Variants in CDC42BPA observed in about 807,000 individuals in gnomAD.
CDC42BPA encodes CDC42 binding protein kinase alpha, also known as serine/threonine-protein kinase MRCK alpha.
In CDC42BPA, 80 loss-of-function variants were observed where a neutral mutation model predicts 223.5. The ratio of observed to expected loss-of-function variants is 0.36; its 90% CI spans 0.30 to 0.43. CDC42BPA has a LOEUF of 0.43. Among genes scored for constraint, CDC42BPA ranks in the 20% least tolerant of loss-of-function variants. CDC42BPA has a pLI of 1.00. For synonymous variants in CDC42BPA, 694 were observed against 718.6 expected, an observed-to-expected ratio of 0.97 and a Z score of 0.55; for missense variants, 1,743 against 2,099.9, an observed-to-expected ratio of 0.83 and a Z score of 3.32.
chr1:227,074,490 G>C, intron 17 of CDC42BPA, 126 bp from the exon 18 acceptor site: 1 of 669,070 alleles, frequency 1.5e-6, no homozygotes, highest in Non-Finnish European at 2.5e-6. Flanking sequence ...TAATTTCTTT[G>C]AAAAGGTCTA....
At chr1:227,241,259 T>A (rs912477217) in intron 2 of CDC42BPA, among the ~76,000 whole-genome samples, 1 of 152,086 alleles carries the variant, frequency 6.6e-6, no homozygotes, top group African/African-American at 2.4e-5. Flanking sequence ...ATAAAAATGG[T>A]ACAATCCAAC....
At chr1:227,038,877 G>GT (rs1258491494) in intron 24 of CDC42BPA, among the ~76,000 whole-genome samples, 1 of 152,186 alleles carries the variant, frequency 6.6e-6, no homozygotes, top group African/African-American at 2.4e-5. Flanking sequence ...CATGGCAATA[G>GT]TTTTTTGGGA....
chr1:227,256,989 A>ACC (rs1312321001), intron 1 of CDC42BPA, among the ~76,000 whole-genome samples: 7 of 146,606 alleles, frequency 4.8e-5, no homozygotes, highest in African/African-American at 1.3e-4. Flanking sequence ...ACACACACAC[A>ACC]CCAGTATGTT....
intron 27 of CDC42BPA, among the ~76,000 whole-genome samples, chr1:227,032,846 T>G (rs1472921558): frequency 2.0e-5 from 3 of 152,202 alleles, no homozygotes; most frequent in Non-Finnish European, 4.4e-5. Context: ...ATGAGCTGAA[T>G]GCAGTCACAT....
At chr1:227,101,579 G>A (rs1685063147) in intron 14 of CDC42BPA, among the ~76,000 whole-genome samples, 1 of 152,054 alleles carries the variant, frequency 6.6e-6, no homozygotes, top group Non-Finnish European at 1.5e-5. Flanking sequence ...GGTGTATGGA[G>A]TGAGAGAAAA....
chr1:227,213,561 A>T (rs1674313943), intron 2 of CDC42BPA, among the ~76,000 whole-genome samples: 1 of 152,144 alleles, frequency 6.6e-6, no homozygotes, highest in Admixed American at 6.6e-5. Context: ...ATCACTAAGA[A>T]ACTGAACAAA....
rs1362214824 is a variant in CDC42BPA at position 227,199,625 on chromosome 1, C to T, written c.382G>A (p.Val128Ile). The change falls in exon 4 of 37, where the codon GTA becomes ATA. Residue 128 changes from valine (V) to isoleucine (I), a missense_variant. Around this residue, in one of 6 missense-constraint regions of CDC42BPA, gnomAD observed 321 missense variants for 488.7 expected, o/e 0.66. Coordinates refer to ENST00000366766, the MANE Select transcript of CDC42BPA (RefSeq NM_001394014.1). The stretch of plus-strand genomic sequence containing the variant: ...CATTTATTGTCTCCATTCACTAATA[C>T]ATCCCTTTCTTCACGAAAACATGCT... ...ETACFREERD[V>I]LVNGDNKWIT... 14 of 1,606,870 alleles carry T rather than the reference C, an allele frequency of 8.7e-6. No individual in the cohort carries two copies. The highest frequency in any genetic ancestry group is 1.1e-5 in the Non-Finnish European group (13 of 1,174,994).
chr1:227,065,122 A>AAATAAATAAATAAATT (rs1483796188), intron 21 of CDC42BPA, among the ~76,000 whole-genome samples: 1 of 151,644 alleles, frequency 6.6e-6, no homozygotes, highest in Admixed American at 6.6e-5. Flanking sequence ...ATAAATAAAT[A>AAATAAATAAATAAATT]AATTAACTCA....
At chr1:227,178,304 G>GTT (rs903654003) in intron 5 of CDC42BPA, 7 of 152,468 alleles carry the variant, frequency 4.6e-5, no homozygotes, top group Admixed American at 1.3e-4. Context: ...AGATCTGATG[G>GTT]TTTTATCGGG....
At chr1:227,187,896 C>A (rs924472412) in intron 5 of CDC42BPA, among the ~76,000 whole-genome samples, 1 of 151,560 alleles carries the variant, frequency 6.6e-6, no homozygotes, top group African/African-American at 2.4e-5. Context: ...CCTCACCAAC[C>A]TATGATTTCA....
chr1:227,308,137 T>C (rs1174617932), intron 1 of CDC42BPA, among the ~76,000 whole-genome samples: 1 of 152,218 alleles, frequency 6.6e-6, no homozygotes, highest in East Asian at 1.9e-4. Flanking sequence ...ATCCTTATAT[T>C]AGTATAGCTA....
intron 2 of CDC42BPA, among the ~76,000 whole-genome samples, chr1:227,231,657 T>C (rs555731723): frequency 0.51 from 76,267 of 148,804 alleles, 19,595 homozygotes; most frequent in South Asian, 0.6. Context: ...GTTTCCTGAT[T>C]TTTTTAATGA....
chr1:227,204,180 T>C (rs1157915077), intron 3 of CDC42BPA, among the ~76,000 whole-genome samples: 5 of 152,196 alleles, frequency 3.3e-5, no homozygotes, highest in Non-Finnish European at 7.4e-5. Context: ...AAATTTTAAA[T>C]TGCAAAATGT....
intron 21 of CDC42BPA, among the ~76,000 whole-genome samples, chr1:227,061,116 A>T (rs1245166097): frequency 6.6e-6 from 1 of 152,188 alleles, no homozygotes; most frequent in Non-Finnish European, 1.5e-5. Flanking sequence ...GAAGGCCCGG[A>T]GAGTTCTAAA....
At chr1:227,041,631 T>C (rs1010233367) in intron 23 of CDC42BPA, among the ~76,000 whole-genome samples, 9 of 152,194 alleles carry the variant, frequency 5.9e-5, no homozygotes, top group Non-Finnish European at 8.8e-5. Flanking sequence ...TAGAAGTAGA[T>C]TATCTTTTTA....
intron 5 of CDC42BPA, among the ~76,000 whole-genome samples, chr1:227,188,685 G>T (rs1192092558): frequency 1.3e-5 from 2 of 152,162 alleles, no homozygotes; most frequent in African/African-American, 4.8e-5. Flanking sequence ...TCATGTCCAG[G>T]GGTTAGCGGG....
At chr1:226,999,649 C>T (rs527744330) in intron 35 of CDC42BPA, among the ~76,000 whole-genome samples, 7 of 152,184 alleles carry the variant, frequency 4.6e-5, no homozygotes, top group East Asian at 3.9e-4. Flanking sequence ...CACATGCACA[C>T]GTATGTTTAT....
intron 29 of CDC42BPA, 118 bp from the exon 30 acceptor site, chr1:227,029,368 G>T (rs1668828490): frequency 3.0e-6 from 2 of 656,016 alleles, no homozygotes; most frequent in South Asian, 4.3e-5. Flanking sequence ...TAAGACATCA[G>T]AAGTCACAGG....
At chr1:227,068,695 A>G in intron 21 of CDC42BPA, 1 of 1,205,844 alleles carries the variant, frequency 8.3e-7, no homozygotes, top group Non-Finnish European at 1.1e-6. Flanking sequence ...GAAGAAGAAA[A>G]GGAATCCTAT....
Sources: gnomAD v4.1 joint callset for allele counts (sites outside exome capture counted in the v4.1 genomes callset) on GRCh38, gnomAD v4.1.1 for gene constraint, gnomAD v4.1.1 regional missense constraint, MANE v1.5 for transcripts, NCBI Gene and HGNC (gene_info 2026-07-23, HGNC 2026-07-21) for gene names.